PRKG1: variants seen among roughly 807,000 people sequenced by gnomAD.
PRKG1 encodes protein kinase cGMP-dependent 1.
Under a neutral mutation model 88.1 loss-of-function variants are expected in PRKG1, and 35 were observed. That is an observed-to-expected ratio of 0.40 (90% CI 0.30 to 0.53). The LOEUF (loss-of-function observed/expected upper bound fraction) is 0.53, where lower values mean the gene tolerates loss of function less well. Ranked by LOEUF, PRKG1 falls within the 20% of genes least tolerant of loss-of-function variation. PRKG1 has a pLI of 0.59. For synonymous variants in PRKG1, 303 were observed against 292.5 expected, an observed-to-expected ratio of 1.04 and a Z score of -0.37; for missense variants, 540 against 839.8, an observed-to-expected ratio of 0.64 and a Z score of 4.41.
At chr10:51,998,671 A>G (rs555271592) in intron 5 of PRKG1, among the ~76,000 whole-genome samples, 235 of 152,314 alleles carry the variant, frequency 1.5e-3, no homozygotes, top group Middle Eastern at 3.4e-3. Flanking sequence ...TGAGTGAAGC[A>G]TACATAGGTG....
At chr10:51,810,723 T>C (rs544330807) in intron 4 of PRKG1, among the ~76,000 whole-genome samples, 6 of 152,212 alleles carry the variant, frequency 3.9e-5, no homozygotes, top group African/African-American at 1.4e-4. Flanking sequence ...AAAATATGAC[T>C]TTGTTATTGA....
At chr10:51,040,453 G>T (rs1385032893) in intron 1 of PRKG1, among the ~76,000 whole-genome samples, 2 of 151,150 alleles carry the variant, frequency 1.3e-5, no homozygotes, top group African/African-American at 4.9e-5. Context: ...CGAGCAGCTG[G>T]GATTACAGGT....
intron 5 of PRKG1, among the ~76,000 whole-genome samples, chr10:52,042,051 G>A (rs1283402479): frequency 6.6e-6 from 1 of 152,056 alleles, no homozygotes; most frequent in Non-Finnish European, 1.5e-5. Context: ...ACTGATGAAA[G>A]AAATTAAAGA....
intron 5 of PRKG1, among the ~76,000 whole-genome samples, chr10:51,922,971 A>G (rs893200598): frequency 6.6e-6 from 1 of 152,086 alleles, no homozygotes; most frequent in Non-Finnish European, 1.5e-5. Context: ...TGCTAGATCT[A>G]TCAATTACCA....
chr10:52,129,720 G>A (rs967346526), intron 7 of PRKG1, among the ~76,000 whole-genome samples: 3 of 152,106 alleles, frequency 2.0e-5, no homozygotes, highest in Non-Finnish European at 1.5e-5. Flanking sequence ...CTATGGATGG[G>A]AATTCTAACA....
chr10:51,533,019 G>C (rs1303008313), intron 3 of PRKG1, among the ~76,000 whole-genome samples: 2 of 152,110 alleles, frequency 1.3e-5, no homozygotes, highest in Non-Finnish European at 2.9e-5. Context: ...GCCAAAGATG[G>C]AGAACCTGAC....
intron 3 of PRKG1, among the ~76,000 whole-genome samples, chr10:51,713,823 A>G (rs1332944610): frequency 6.6e-6 from 1 of 152,196 alleles, no homozygotes; most frequent in Admixed American, 6.5e-5. Flanking sequence ...ATTGGGTCAG[A>G]CAGGGCAGCA....
At chr10:51,821,389 A>G (rs1839741206) in intron 4 of PRKG1, among the ~76,000 whole-genome samples, 1 of 152,136 alleles carries the variant, frequency 6.6e-6, no homozygotes, top group Admixed American at 6.6e-5. Context: ...TGGGTTATAT[A>G]GGAAGCATAT....
chr10:51,847,979 A>G (rs889660348), intron 4 of PRKG1, among the ~76,000 whole-genome samples: 4 of 150,754 alleles, frequency 2.7e-5, no homozygotes, highest in African/African-American at 9.8e-5. Flanking sequence ...CATGGTTTTT[A>G]AAAGTATTTA....
intron 3 of PRKG1, among the ~76,000 whole-genome samples, chr10:51,628,031 TTTCTTTCC>T (rs1839408182): frequency 8.3e-6 from 1 of 120,532 alleles, no homozygotes; most frequent in African/African-American, 2.8e-5. Context: ...TCTTTCTTTC[TTTCTTTCC>T]TTCCTTCTTT....
At chr10:51,662,691 T>TCC (rs1261897452) in intron 3 of PRKG1, among the ~76,000 whole-genome samples, 1 of 152,078 alleles carries the variant, frequency 6.6e-6, no homozygotes, top group East Asian at 1.9e-4. Flanking sequence ...AGGAGAAAAG[T>TCC]ATAAAAGGAG....
In PRKG1 at chr10:51,651,569, A is replaced by T. The variant is rs571399861; in HGVS notation, c.593-153016A>T. Reference sequence around the variant, plus strand: ...TATTTGGCACATGATTGGCACAAAAATTTTACAGATCTTACTTTTTTTTTT... The same window carrying T: ...TATTTGGCACATGATTGGCACAAAATTTTTACAGATCTTACTTTTTTTTTT... On this transcript the variant is annotated intron_variant, in intron 3 of 17. Transcript: ENST00000373980. 7.0e-4 allele frequency among the ~76,000 whole-genome samples: 102 copies of T among 146,116 alleles called. 2 individuals carry two copies. The South Asian group carries it at 0.022, about 31-fold the overall frequency.
intron 3 of PRKG1, among the ~76,000 whole-genome samples, chr10:51,628,011 T>TC (rs1491438969): frequency 5.3e-4 from 22 of 41,370 alleles, no homozygotes; most frequent in Middle Eastern, 0.013. Context: ...TCTCTCTCTC[T>TC]TTCTTTCTTT....
intron 2 of PRKG1, among the ~76,000 whole-genome samples, chr10:51,345,516 A>G (rs553011144): frequency 3.4e-4 from 52 of 152,264 alleles, no homozygotes; most frequent in African/African-American, 1.2e-3. Context: ...CACCGAGAGT[A>G]AATATGTAAC....
intron 3 of PRKG1, among the ~76,000 whole-genome samples, chr10:51,612,784 G>A (rs923509750): frequency 6.6e-6 from 1 of 151,878 alleles, no homozygotes; most frequent in African/African-American, 2.4e-5. Context: ...TTATTTTTAT[G>A]TATGTTGTTT....
chr10:51,103,537 G>T (rs1009267528), intron 1 of PRKG1, among the ~76,000 whole-genome samples: 6 of 152,186 alleles, frequency 3.9e-5, no homozygotes, highest in Non-Finnish European at 8.8e-5. Context: ...AGACATTTCT[G>T]ATAGTTTAGC....
At chr10:51,239,887 C>G (rs1346623531) in intron 2 of PRKG1, among the ~76,000 whole-genome samples, 2 of 152,044 alleles carry the variant, frequency 1.3e-5, no homozygotes, top group Non-Finnish European at 2.9e-5. Context: ...TTTATAGGGC[C>G]AATATGGGAG....
chr10:52,193,996 G>T (rs988954998), intron 9 of PRKG1, among the ~76,000 whole-genome samples: 1 of 151,942 alleles, frequency 6.6e-6, no homozygotes, highest in African/African-American at 2.4e-5. Flanking sequence ...TAGCTATTTT[G>T]TCTCTTATAT....
At chr10:51,596,504 C>T (rs1838452535) in intron 3 of PRKG1, among the ~76,000 whole-genome samples, 1 of 152,106 alleles carries the variant, frequency 6.6e-6, no homozygotes, top group African/African-American at 2.4e-5. Context: ...ATGGAAGAAG[C>T]AAAGAAAGAT....
Sources: allele counts gnomAD v4.1 joint callset (sites outside exome capture counted in the v4.1 genomes callset), GRCh38; gene constraint gnomAD v4.1.1; transcripts MANE v1.5; gene names NCBI Gene and HGNC (gene_info 2026-07-23, HGNC 2026-07-21).